The following LUZP2 variants were observed in gnomAD, a reference collection of about 807,000 sequenced individuals.
LUZP2 encodes leucine zipper protein 2.
Under a neutral mutation model 51.6 loss-of-function variants are expected in LUZP2, and 52 were observed. The observed-to-expected ratio is 1.01, with a 90% CI of 0.81 to 1.27. LUZP2 has a LOEUF of 1.27. Ranked by LOEUF, LUZP2 falls within the 50% of genes most tolerant of loss-of-function variation. LUZP2 has a pLI of 0.00. For missense variants in LUZP2, 436 were observed against 395.4 expected (o/e 1.10, Z -0.87); for synonymous variants, 154 against 137.3 (o/e 1.12, Z -0.85).
intron 1 of LUZP2, among the ~76,000 whole-genome samples, chr11:24,596,469 AG>A (rs141250370): frequency 0.021 from 3,268 of 152,280 alleles, 118 homozygotes; most frequent in African/African-American, 0.073. Context: ...TTTCCAGTTT[AG>A]GGAACAGCAG....
chr11:24,525,835 T>C (rs1056341578), intron 1 of LUZP2, among the ~76,000 whole-genome samples: 18 of 151,492 alleles, frequency 1.2e-4, no homozygotes, highest in African/African-American at 4.3e-4. Flanking sequence ...TAGTTGAATA[T>C]ATATAAAGTA....
chr11:25,050,344 C>T (rs1009905046), intron 10 of LUZP2, among the ~76,000 whole-genome samples: 2 of 136,860 alleles, frequency 1.5e-5, no homozygotes, highest in Admixed American at 1.6e-4. Flanking sequence ...GTCTGTCGCC[C>T]AGGCTGGAGT....
intron 1 of LUZP2, among the ~76,000 whole-genome samples, chr11:24,540,766 C>A (rs1382166083): frequency 6.6e-6 from 1 of 151,956 alleles, no homozygotes; most frequent in Admixed American, 6.6e-5. Context: ...ATTCAGCCAC[C>A]AGCAGTATCT....
At chr11:24,760,834 G>A (rs1859953051) in intron 4 of LUZP2, among the ~76,000 whole-genome samples, 1 of 152,134 alleles carries the variant, frequency 6.6e-6, no homozygotes, top group Non-Finnish European at 1.5e-5. Flanking sequence ...CTAGATAAAT[G>A]ACTCAGCTGG....
chr11:24,655,999 A>G (rs548296557), intron 1 of LUZP2, among the ~76,000 whole-genome samples: 6 of 152,202 alleles, frequency 3.9e-5, no homozygotes, highest in African/African-American at 1.2e-4. Flanking sequence ...TACTGTTACA[A>G]AATTGCGATT....
In LUZP2 at chr11:24,742,051, ATATAAT is replaced by A. The variant is rs1177429547; in HGVS notation, c.333+3754_333+3759del. Among the ~76,000 whole-genome samples, 892 of 110,042 alleles carry A rather than the reference ATATAAT, an allele frequency of 8.1e-3. 37 individuals carry two copies. The highest frequency in any genetic ancestry group is 0.027 in the African/African-American group (835 of 30,796). The allele number at this position is 110,042 out of a possible 152,430, so 72.2% of individuals were successfully genotyped here. On this transcript the variant is annotated intron_variant, in intron 4 of 11. Transcript: ENST00000336930. ...TTTATATATAAATACATAAAAATAA[ATATAAT>A]TATATATATATATATATATCACCAT...
chr11:24,705,142 C>T (rs983346264), intron 1 of LUZP2, among the ~76,000 whole-genome samples: 1 of 151,850 alleles, frequency 6.6e-6, no homozygotes, highest in Non-Finnish European at 1.5e-5. Flanking sequence ...CACTTGAGCT[C>T]CAATACCAAA....
intron 1 of LUZP2, among the ~76,000 whole-genome samples, chr11:24,697,935 A>AC (rs1286645026): frequency 6.6e-6 from 1 of 151,882 alleles, no homozygotes; most frequent in Admixed American, 6.6e-5. Context: ...TGGTCCTGTG[A>AC]CCCCCACCCA....
chr11:24,872,976 A>C (rs1051209549), intron 5 of LUZP2, among the ~76,000 whole-genome samples: 2 of 152,194 alleles, frequency 1.3e-5, no homozygotes, highest in African/African-American at 4.8e-5. Context: ...ATAAAAATTG[A>C]AAATGCCTTG....
intron 5 of LUZP2, among the ~76,000 whole-genome samples, chr11:24,799,949 T>C (rs959173327): frequency 6.6e-6 from 1 of 152,206 alleles, no homozygotes; most frequent in African/African-American, 2.4e-5. Flanking sequence ...ATGATAATTG[T>C]AATAAAAGTG....
chr11:24,870,261 C>T (rs1852019730), intron 5 of LUZP2, among the ~76,000 whole-genome samples: 1 of 152,180 alleles, frequency 6.6e-6, no homozygotes, highest in Admixed American at 6.5e-5. Context: ...TGCACAACCA[C>T]ATTGCCTAAG....
intron 1 of LUZP2, among the ~76,000 whole-genome samples, chr11:24,567,013 TA>T (rs199853087): frequency 0.06 from 6,753 of 112,054 alleles, 500 homozygotes; most frequent in African/African-American, 0.2. Context: ...TATATATATA[TA>T]TTTTTTTTAG....
intron 5 of LUZP2, among the ~76,000 whole-genome samples, chr11:24,768,701 A>G (rs2134045778): frequency 6.6e-6 from 1 of 152,324 alleles, no homozygotes; most frequent in South Asian, 2.1e-4. Flanking sequence ...AAGCTATGAT[A>G]AAATATCAAC....
At position 25,078,877 on chromosome 11, in the gene LUZP2, T is replaced by C. The variant is rs1049724779; in HGVS notation, c.*219T>C. ...AATACCCACAGTCAGAAATATTTTG[T>C]TGTCAACAGTAAATTGTCCCATATA... is the stretch of plus-strand genomic sequence containing the variant. On this transcript the variant is annotated 3_prime_UTR_variant, in exon 12 of 12. Coordinates refer to ENST00000336930, the MANE Select transcript of LUZP2 (RefSeq NM_001009909.4). 4.4e-6 allele frequency: 2 copies of C among 458,524 alleles called. No homozygotes were observed. Among genetic ancestry groups the C allele is most frequent in the East Asian group, 4.2e-5 (1 of 24,026 alleles). 28.4% of individuals were successfully genotyped at this position (458,524 alleles called of 1,614,324 possible). A position where few individuals can be genotyped will look rare whatever the true frequency, so the allele number is the denominator to read the frequency against.
intron 1 of LUZP2, among the ~76,000 whole-genome samples, chr11:24,629,980 ATTTGTATGTCTTC>A (rs1376757051): frequency 2.0e-5 from 3 of 151,196 alleles, no homozygotes; most frequent in Non-Finnish European, 2.9e-5. Flanking sequence ...CGTGTTGGCC[ATTTGTATGTCTTC>A]TTTTGAAAAA....
At chr11:24,520,606 T>C (rs1439701571) in intron 1 of LUZP2, among the ~76,000 whole-genome samples, 2 of 152,246 alleles carry the variant, frequency 1.3e-5, no homozygotes, top group African/African-American at 2.4e-5. Context: ...ATGTTTGTGT[T>C]AGTATGTTAA....
intron 5 of LUZP2, among the ~76,000 whole-genome samples, chr11:24,774,395 C>CACACACATATATATAAAGAAT (rs1565131394): frequency 1.6e-4 from 17 of 103,122 alleles, no homozygotes; most frequent in Middle Eastern, 6.0e-3. Context: ...TACACACACA[C>CACACACATATATATAAAGAAT]ATATTTATAA....
chr11:24,527,196 T>A (rs1850833360), intron 1 of LUZP2, among the ~76,000 whole-genome samples: 1 of 151,336 alleles, frequency 6.6e-6, no homozygotes, highest in Non-Finnish European at 1.5e-5. Flanking sequence ...ATTTATTTTT[T>A]GTTCCTCTCT....
intron 1 of LUZP2, among the ~76,000 whole-genome samples, chr11:24,519,219 A>T (rs375288336): frequency 6.6e-6 from 1 of 151,952 alleles, no homozygotes. Flanking sequence ...TACAAATCTT[A>T]TTTTCTACTT....
Sources: allele counts gnomAD v4.1 joint callset (sites outside exome capture counted in the v4.1 genomes callset), GRCh38; gene constraint gnomAD v4.1.1; transcripts MANE v1.5; gene names NCBI Gene and HGNC (gene_info 2026-07-23, HGNC 2026-07-21).